The following NUTM2F variants were observed in gnomAD, a reference collection of about 807,000 sequenced individuals.
NUTM2F encodes the protein NUT family member 2F.
Under a neutral mutation model 43.3 loss-of-function variants are expected in NUTM2F, and 22 were observed. The observed-to-expected ratio is 0.51, with a 90% CI of 0.36 to 0.73. NUTM2F has a LOEUF of 0.73. Ranked by LOEUF, NUTM2F falls within the 30% of genes least tolerant of loss-of-function variation. NUTM2F has a pLI of 0.00. For missense variants in NUTM2F, 488 were observed against 927.4 expected (o/e 0.53, Z 6.15); for synonymous variants, 202 against 389.0 (o/e 0.52, Z 5.66).
chr9:94,323,850 G>A (rs1243112052), intron 2 of NUTM2F, among the ~76,000 whole-genome samples: 1 of 152,110 alleles, frequency 6.6e-6, no homozygotes, highest in East Asian at 1.9e-4. Flanking sequence ...ACTGGACCGC[G>A]GCAGAACAGT....
In NUTM2F at chr9:94,320,095, A is replaced by C. The variant is rs911648642; in HGVS notation, c.1368+113T>G. ...CACAGTCACATACACAGACACTCAA[A>C]TCCATGGAAATACACATACTACTGA... On this transcript the variant is annotated intron_variant, in intron 5 of 6. Transcript: ENST00000253262. This position sits in a 1 kb window ranked among gnomAD's most constrained non-coding sequence, Gnocchi z 4.5. 36 of 898,864 alleles carry C rather than the reference A, an allele frequency of 4.0e-5. No individual in the cohort carries two copies. The highest frequency in any genetic ancestry group is 4.9e-5 in the Non-Finnish European group (29 of 587,484). 55.7% of individuals were successfully genotyped at this position (898,864 alleles called of 1,614,324 possible). A position where few individuals can be genotyped will look rare whatever the true frequency, so the allele number is the denominator to read the frequency against.
intron 1 of NUTM2F, among the ~76,000 whole-genome samples, chr9:94,326,567 GTGGTGAAACCC>G (rs1293395824): frequency 3.3e-5 from 5 of 151,908 alleles, no homozygotes; most frequent in Admixed American, 3.3e-4. Context: ...TCTGGCCAAC[GTGGTGAAACCC>G]CGTCTCTACT....
At chr9:94,322,562 G>C (rs191030123) in intron 2 of NUTM2F, among the ~76,000 whole-genome samples, 23 of 152,362 alleles carry the variant, frequency 1.5e-4, no homozygotes, top group Admixed American at 2.6e-4. Flanking sequence ...TTATGATGTT[G>C]ACAAGCGAAC....
rs1831338659 is a variant in NUTM2F, at chr9:94,320,207, C to A, written c.1368+1G>T. The A allele has an allele frequency of 6.2e-7, 1 of 1,613,240 alleles. No individual in the cohort carries two copies. Among genetic ancestry groups the A allele is most frequent in the Non-Finnish European group, 8.5e-7 (1 of 1,179,728 alleles). On this transcript the variant is annotated splice_donor_variant, in intron 5 of 6. Transcript: ENST00000253262. LOFTEE classifies it high-confidence loss of function. The surrounding 1 kb of genome is among the most constrained non-coding windows in gnomAD (Gnocchi z 4.5). Reference sequence around the variant, plus strand: ...GACCACAGCACTCCAGGCAAGCCCACCTTGGTGACAAAGTCTTCCTGGGAA... The same window carrying A: ...GACCACAGCACTCCAGGCAAGCCCAACTTGGTGACAAAGTCTTCCTGGGAA...
At chr9:94,326,743 CAAAAAAAAAAA>C (rs763429569) in intron 1 of NUTM2F, among the ~76,000 whole-genome samples, 143 of 90,876 alleles carry the variant, frequency 1.6e-3, no homozygotes, top group African/African-American at 4.6e-3. Context: ...GACTCCGTCT[CAAAAAAAAAAA>C]AAAAAAAAAA....
rs1479440068 is a variant in NUTM2F at position 94,327,294 on chromosome 9, G to A, written c.16+1314C>T. 2.0e-5 allele frequency among the ~76,000 whole-genome samples: 3 copies of A among 151,782 alleles called. No homozygotes were observed. The South Asian group carries it at 6.2e-4, about 32-fold the overall frequency. ...AATTTTTGTATTTTTAGTAGAGACG[G>A]GGTTTCACCATATTGGTCAGGCTGG... On this transcript the variant is annotated intron_variant, in intron 1 of 6. Coordinates refer to ENST00000253262, the MANE Select transcript of NUTM2F (RefSeq NM_017561.2).
At chr9:94,321,764 G>C (rs1411594889) in intron 3 of NUTM2F, among the ~76,000 whole-genome samples, 2 of 148,386 alleles carry the variant, frequency 1.3e-5, no homozygotes, top group Admixed American at 1.4e-4. Flanking sequence ...GGGGTCTCAT[G>C]GTGTCCCAGG....
chr9:94,321,111 C>T lies in NUTM2F; in HGVS notation c.964G>A (p.Glu322Lys). The change falls in exon 4 of 7, where the codon GAG (glutamate) becomes AAG (lysine). Residue 322 changes from glutamate (E) to lysine (K), a missense_variant. Glu to Lys is a moderately conservative substitution (Grantham distance 56). Transcript: ENST00000253262. ...GCTGTACCTGGCTGCTTGACCACCT[C>T]AGGGGCAGGGGGTCCTCGAGGTTCA... Reference protein sequence around the residue: ...RLEPRGPPAPEVVKQPVYLPS... With the variant: ...RLEPRGPPAPKVVKQPVYLPS... The T allele has an allele frequency of 6.4e-7, 1 of 1,551,614 alleles. No homozygotes were observed. The highest frequency in any genetic ancestry group is 2.4e-5 in the East Asian group (1 of 42,540).
In NUTM2F at chr9:94,319,636, C is replaced by T. The variant is rs1831329472; in HGVS notation, c.1462G>A (p.Glu488Lys). 3 of 1,612,254 alleles carry T rather than the reference C, an allele frequency of 1.9e-6. No homozygotes were observed. Among genetic ancestry groups the T allele is most frequent in the Non-Finnish European group, 1.7e-6 (2 of 1,179,846 alleles). The change falls in exon 6 of 7, where the codon GAG becomes AAG. Residue 488 changes from glutamate (E) to lysine (K), a missense_variant. Glu to Lys is a moderately conservative substitution (Grantham distance 56). Transcript: ENST00000253262. ...ACCTGGGCAAGGGTGAGTCCTTCCT[C>T]CTGCTCCAGCTCCTGGCTTAGGGCC... Reference protein sequence around the residue: ...FLALSQELEQEEGLTLAQLVE... With the variant: ...FLALSQELEQKEGLTLAQLVE...
intron 2 of NUTM2F, among the ~76,000 whole-genome samples, chr9:94,324,312 T>C (rs563342518): frequency 7.3e-4 from 111 of 151,536 alleles, no homozygotes; most frequent in African/African-American, 1.4e-3. Context: ...CCGTGGCTCA[T>C]GTCACACCAA....
At chr9:94,324,870 C>A (rs966281226) in intron 2 of NUTM2F, among the ~76,000 whole-genome samples, 3 of 149,444 alleles carry the variant, frequency 2.0e-5, no homozygotes, top group Non-Finnish European at 4.4e-5. Flanking sequence ...GCCTGTAATC[C>A]CAACTACTCA....
intron 2 of NUTM2F, among the ~76,000 whole-genome samples, chr9:94,323,329 C>T (rs1242885171): frequency 2.6e-5 from 4 of 152,344 alleles, no homozygotes; most frequent in South Asian, 2.1e-4. Flanking sequence ...CAGGGGACTC[C>T]CCTAGGGGAA....
At chr9:94,322,727 C>T (rs1831394884) in intron 2 of NUTM2F, among the ~76,000 whole-genome samples, 1 of 151,668 alleles carries the variant, frequency 6.6e-6, no homozygotes, top group Admixed American at 6.6e-5. Context: ...CAGGAGGAGA[C>T]ACCAGGGCTC....
rs535866342 is a variant in NUTM2F, at chr9:94,328,331, C to T, written c.16+277G>A. ...ACTCCCTACAAACACAATGACGTGACCTGTCCCCCTCTAGAAAGGATCAAC... is the reference window on the plus strand; with the variant it reads ...ACTCCCTACAAACACAATGACGTGATCTGTCCCCCTCTAGAAAGGATCAAC... On this transcript the variant is annotated intron_variant, in intron 1 of 6. Transcript: ENST00000253262. Among the ~76,000 whole-genome samples the T allele has an allele frequency of 2.7e-4, 41 of 152,176 alleles. 1 individual carries two copies. The East Asian group carries it at 8.0e-3, about 30-fold the overall frequency.
chr9:94,319,913 C>CAGAG (rs1831334105), intron 5 of NUTM2F, among the ~76,000 whole-genome samples, 184 bp from the exon 6 acceptor site: 1 of 152,126 alleles, frequency 6.6e-6, no homozygotes, highest in Non-Finnish European at 1.5e-5. Flanking sequence ...CACATACAGA[C>CAGAG]AGAGACACAC....
At chr9:94,326,633 A>G (rs1483994063) in intron 1 of NUTM2F, among the ~76,000 whole-genome samples, 1 of 151,366 alleles carries the variant, frequency 6.6e-6, no homozygotes, top group Admixed American at 6.6e-5. Flanking sequence ...AATCCCAGCT[A>G]CTCAGGAGGC....
intron 1 of NUTM2F, among the ~76,000 whole-genome samples, chr9:94,326,778 G>A (rs954258203): frequency 1.3e-5 from 2 of 151,572 alleles, no homozygotes; most frequent in Admixed American, 6.6e-5. Context: ...GAAAACCACT[G>A]GATGGAAACT....
rs751281189 is a variant in NUTM2F at position 94,318,884 on chromosome 9, ACT to A, written c.1850_1851del (p.Glu617ValfsTer11). The stretch of plus-strand genomic sequence containing the variant: ...AGCCCATGTGACTCCTTGACAGGAG[ACT>A]CTCCAGGGAGACCCAAGGCGTCCTT... ...GTKDALGLPG[E>X]SPVKESHGLA... On this transcript the variant is annotated frameshift_variant, in exon 7 of 7. Coordinates refer to ENST00000253262, the MANE Select transcript of NUTM2F (RefSeq NM_017561.2). LOFTEE classifies it low-confidence loss of function (END_TRUNC). 2.5e-6 allele frequency: 4 copies of A among 1,597,436 alleles called. No individual in the cohort carries two copies. The Admixed American group carries it at 6.9e-5, about 28-fold the overall frequency.
chr9:94,324,941 C>T (rs1471626569), intron 2 of NUTM2F, among the ~76,000 whole-genome samples: 5 of 143,998 alleles, frequency 3.5e-5, no homozygotes, highest in Non-Finnish European at 6.0e-5. Context: ...GAGCTGAGAT[C>T]GCGCCATTGC....
Sources: gnomAD v4.1 joint callset for allele counts (sites outside exome capture counted in the v4.1 genomes callset) on GRCh38, gnomAD v4.1.1 for gene constraint, Gnocchi (gnomAD v3.1) non-coding constraint, MANE v1.5 for transcripts, NCBI Gene and HGNC (gene_info 2026-07-23, HGNC 2026-07-21) for gene names.